Variants in SV2B observed in about 807,000 individuals in gnomAD.
The protein encoded by SV2B is synaptic vesicle glycoprotein 2B.
SV2B carries 41 observed loss-of-function variants against 73.9 expected under a neutral mutation model. That is an observed-to-expected ratio of 0.56 (90% CI 0.43 to 0.72). SV2B has a LOEUF of 0.72. Ranked by LOEUF, SV2B falls within the 30% of genes least tolerant of loss-of-function variation. The probability of loss-of-function intolerance (pLI) is 0.00; values close to 1 mark genes in which losing one functional copy is unlikely to be tolerated. For synonymous variants in SV2B, 314 were observed against 314.2 expected (o/e 1.00, Z 0.01); for missense variants, 764 against 857.8 (o/e 0.89, Z 1.37).
chr15:91,226,779 C>G (rs2046398583), intron 2 of SV2B, 65 bp downstream of exon 2: 2 of 1,537,446 alleles, frequency 1.3e-6, no homozygotes, highest in South Asian at 2.4e-5. Context: ...TATCTAGTAT[C>G]TGTCACTATT....
rs1193841800 is a variant in SV2B, at chr15:91,267,085, A to G, written c.1119+393A>G. On this transcript the variant is annotated intron_variant, in intron 7 of 12. Transcript: ENST00000394232. The surrounding 1 kb of genome is among the most constrained non-coding windows in gnomAD (Gnocchi z 4.3). ...CAAGAAACATTTTTCTAAAAGGGCA[A>G]TGCCATTTCTCTGGAGCACTGGCTC... The G allele has an allele frequency of 5.4e-6, 1 of 186,406 alleles. No individual in the cohort carries two copies. The highest frequency in any genetic ancestry group is 2.3e-5 in the African/African-American group (1 of 42,578). The allele number at this position is 186,406 out of a possible 1,614,324, so 11.5% of individuals were successfully genotyped here.
chr15:91,190,059 T>C (rs151207298), intron 1 of SV2B, among the ~76,000 whole-genome samples: 223 of 152,338 alleles, frequency 1.5e-3, no homozygotes, highest in Non-Finnish European at 2.3e-3. Flanking sequence ...TTTTGTTTTA[T>C]CTTATTTCAT....
intron 1 of SV2B, among the ~76,000 whole-genome samples, chr15:91,171,852 A>G (rs948412823): frequency 3.3e-5 from 5 of 152,120 alleles, no homozygotes; most frequent in East Asian, 1.9e-4. Context: ...TGGTGGATCT[A>G]TCTCGCTCCA....
chr15:91,238,274 G>C (rs570900292), intron 2 of SV2B, among the ~76,000 whole-genome samples: 1 of 151,940 alleles, frequency 6.6e-6, no homozygotes. Flanking sequence ...CATCCATTTT[G>C]TACTAGGTAT....
chr15:91,127,492 A>G (rs1246925954), intron 1 of SV2B, among the ~76,000 whole-genome samples: 3 of 152,080 alleles, frequency 2.0e-5, no homozygotes, highest in South Asian at 2.1e-4. Flanking sequence ...CCGCTCTTCT[A>G]TCCCTCAGCA....
intron 1 of SV2B, among the ~76,000 whole-genome samples, chr15:91,206,834 C>T (rs902437368): frequency 1.3e-5 from 2 of 152,070 alleles, no homozygotes; most frequent in African/African-American, 2.4e-5. Flanking sequence ...GGAAATGTGT[C>T]CCCTGATCAA....
In SV2B at chr15:91,281,464, T is replaced by A. The variant is rs188437581; in HGVS notation, c.1374-264T>A. On this transcript the variant is annotated intron_variant, in intron 9 of 12. Transcript: ENST00000394232. The surrounding 1 kb of genome is among the most constrained non-coding windows in gnomAD (Gnocchi z 4.7). Reference sequence around the variant, plus strand: ...ATTTCTGTGATTCTGACTTAGAAGGTCCGTGGACCTGCCTTTGAAAACCAG... The same window carrying A: ...ATTTCTGTGATTCTGACTTAGAAGGACCGTGGACCTGCCTTTGAAAACCAG... 2.6e-4 allele frequency among the ~76,000 whole-genome samples: 39 copies of A among 152,314 alleles called. No homozygotes were observed. Among genetic ancestry groups the A allele is most frequent in the Admixed American group, 2.5e-3 (38 of 15,302 alleles).
intron 1 of SV2B, among the ~76,000 whole-genome samples, chr15:91,221,236 CTG>C (rs2046201687): frequency 6.6e-6 from 1 of 152,160 alleles, no homozygotes; most frequent in Non-Finnish European, 1.5e-5. Context: ...GTACCAGACA[CTG>C]TGCTGAGCAC....
chr15:91,200,988 A>G (rs2045439327), intron 1 of SV2B, among the ~76,000 whole-genome samples: 1 of 152,262 alleles, frequency 6.6e-6, no homozygotes, highest in Non-Finnish European at 1.5e-5. Flanking sequence ...ATTTCACAGT[A>G]TCTGAAAGGA....
At position 91,240,394 on chromosome 15, in the gene SV2B, A is replaced by G. The variant is rs1216790584; in HGVS notation, c.452-11425A>G. On this transcript the variant is annotated intron_variant, in intron 2 of 12. Transcript: ENST00000394232. This position sits in a 1 kb window ranked among gnomAD's most constrained non-coding sequence, Gnocchi z 4.6. ...CCAGTAAATATGAGCTGGTATTTGT[A>G]TATTTTTAACTTTTCACTTTATTCA... Among the ~76,000 whole-genome samples, 2 of 152,200 alleles carry G rather than the reference A, an allele frequency of 1.3e-5. No homozygotes were observed. Among genetic ancestry groups the G allele is most frequent in the Admixed American group, 1.3e-4 (2 of 15,278 alleles).
At chr15:91,152,959 A>G (rs2043360002) in intron 1 of SV2B, among the ~76,000 whole-genome samples, 1 of 152,320 alleles carries the variant, frequency 6.6e-6, no homozygotes, top group South Asian at 2.1e-4. Context: ...GTCCATGATC[A>G]TGGTGTCAGC....
intron 1 of SV2B, among the ~76,000 whole-genome samples, chr15:91,112,840 A>G (rs1015958201): frequency 2.6e-5 from 4 of 152,178 alleles, no homozygotes; most frequent in Admixed American, 2.6e-4. Flanking sequence ...TTTTAGAGAC[A>G]GGGTCTTGCT....
chr15:91,226,794 A>G lies in SV2B; in HGVS notation c.451+80A>G, dbSNP rs979221582. The G allele has an allele frequency of 1.6e-4, 239 of 1,476,170 alleles. 1 individual carries two copies. The highest frequency in any genetic ancestry group is 1.7e-4 in the Middle Eastern group (1 of 5,730). The allele number at this position is 1,476,170 out of a possible 1,614,324, so 91.4% of individuals were successfully genotyped here. A position where few individuals can be genotyped will look rare whatever the true frequency, so the allele number is the denominator to read the frequency against. ...TATCTAGTATCTGTCACTATTAGGC[A>G]CTTTAAATATATCACAATGTACCCA... On this transcript the variant is annotated intron_variant, in intron 2 of 12. Coordinates refer to ENST00000394232, the MANE Select transcript of SV2B (RefSeq NM_001323032.3).
chr15:91,199,319 G>C (rs2045376866), intron 1 of SV2B, among the ~76,000 whole-genome samples: 1 of 152,166 alleles, frequency 6.6e-6, no homozygotes, highest in African/African-American at 2.4e-5. Context: ...AGTGAGGTTT[G>C]TGTAAGGGGG....
rs1410747009 is a variant in SV2B, at chr15:91,130,528, G to A, written c.-392+30165G>A. ...ATGAGAGAGAGAGAGAGAAGCAGCT[G>A]CATTTGGGGAGGAAGGAGAAGAGTC... On this transcript the variant is annotated intron_variant, in intron 1 of 12. Coordinates refer to ENST00000394232, the MANE Select transcript of SV2B (RefSeq NM_001323032.3). The surrounding 1 kb of genome is among the most constrained non-coding windows in gnomAD (Gnocchi z 5.6). Among the ~76,000 whole-genome samples, 1 of 152,176 alleles carries A rather than the reference G, an allele frequency of 6.6e-6. No individual in the cohort carries two copies. Among genetic ancestry groups the A allele is most frequent in the Non-Finnish European group, 1.5e-5 (1 of 68,034 alleles).
chr15:91,102,930 G>A (rs899208139), intron 1 of SV2B, among the ~76,000 whole-genome samples: 6 of 152,196 alleles, frequency 3.9e-5, no homozygotes, highest in African/African-American at 1.4e-4. Flanking sequence ...CCCTGAGATA[G>A]GAGAGAGGTG....
At chr15:91,266,368 A>G (rs2048101383) in intron 6 of SV2B, among the ~76,000 whole-genome samples, 1 of 152,152 alleles carries the variant, frequency 6.6e-6, no homozygotes, top group African/African-American at 2.4e-5. Context: ...GAAGAAAGAG[A>G]TGGAGACACT....
At chr15:91,209,578 A>G (rs2045779499) in intron 1 of SV2B, among the ~76,000 whole-genome samples, 1 of 152,232 alleles carries the variant, frequency 6.6e-6, no homozygotes, top group Non-Finnish European at 1.5e-5. Flanking sequence ...TGAGCTTGTC[A>G]GGTGCCAGAC....
In SV2B at chr15:91,290,363, G is replaced by C. The variant is rs141004908; in HGVS notation, c.1868+683G>C. ...TTGGCGACAGAGGTATTGGGATATA[G>C]ATAACTAAGGAAGAGCACAACGTGT... On this transcript the variant is annotated intron_variant, in intron 12 of 12. Transcript: ENST00000394232. This position sits in a 1 kb window ranked among gnomAD's most constrained non-coding sequence, Gnocchi z 4.7. Among the ~76,000 whole-genome samples the C allele has an allele frequency of 4.0e-3, 607 of 152,330 alleles. 3 individuals are homozygous for C. Among genetic ancestry groups the C allele is most frequent in the African/African-American group, 0.014 (582 of 41,570 alleles).
Sources: allele counts gnomAD v4.1 joint callset (sites outside exome capture counted in the v4.1 genomes callset), GRCh38; gene constraint gnomAD v4.1.1; non-coding constraint Gnocchi (gnomAD v3.1); transcripts MANE v1.5; gene names NCBI Gene and HGNC (gene_info 2026-07-23, HGNC 2026-07-21).